ERC1: variants seen among roughly 807,000 people sequenced by gnomAD.
ERC1 encodes RAB6 interacting protein 2.
ERC1 carries 56 observed loss-of-function variants against 132.0 expected under a neutral mutation model. The ratio of observed to expected loss-of-function variants is 0.42; its 90% CI spans 0.34 to 0.53. The LOEUF is 0.53. Ranked by LOEUF, ERC1 falls within the 20% of genes least tolerant of loss-of-function variation. The pLI is 0.03. For missense variants in ERC1, 1,202 were observed against 1,349.9 expected, an observed-to-expected ratio of 0.89 and a Z score of 1.72; for synonymous variants, 478 against 476.1, an observed-to-expected ratio of 1.00 and a Z score of -0.05.
intron 2 of ERC1, among the ~76,000 whole-genome samples, chr12:1,070,724 G>C (rs1428552799): frequency 6.6e-6 from 1 of 152,090 alleles, no homozygotes; most frequent in African/African-American, 2.4e-5. Flanking sequence ...TTTCCATACA[G>C]TGAAATGCAC....
chr12:1,479,488 G>A (rs932946598), intron 18 of ERC1, among the ~76,000 whole-genome samples: 1 of 152,044 alleles, frequency 6.6e-6, no homozygotes, highest in African/African-American at 2.4e-5. Context: ...GTAATCTTTC[G>A]AGAGGGCAAT....
At chr12:1,285,456 A>G (rs966446577) in intron 14 of ERC1, among the ~76,000 whole-genome samples, 1 of 152,224 alleles carries the variant, frequency 6.6e-6, no homozygotes, top group African/African-American at 2.4e-5. Flanking sequence ...AAAAAGAAAA[A>G]TGGCACAATG....
rs1013267688 is a variant in ERC1, at chr12:1,080,554, C to T, written c.670-2610C>T. Among the ~76,000 whole-genome samples, 6 of 152,302 alleles carry T rather than the reference C, an allele frequency of 3.9e-5. No homozygotes were observed. The South Asian group carries it at 1.2e-3, about 32-fold the overall frequency. On this transcript the variant is annotated intron_variant, in intron 2 of 18. Transcript: ENST00000360905. ...GGAATTGTATCTCTCAGAATTCCCA[C>T]ATGTTGTGGGAGGGCCATAGGAGGA... is the stretch of plus-strand genomic sequence containing the variant.
chr12:1,151,784 A>AC (rs1372930882), intron 8 of ERC1: 3 of 152,258 alleles, frequency 2.0e-5, no homozygotes, highest in African/African-American at 7.2e-5. Context: ...GGTAAAGATA[A>AC]CCAAGTAGCC....
intron 14 of ERC1, among the ~76,000 whole-genome samples, chr12:1,269,417 T>C (rs899755428): frequency 1.2e-4 from 18 of 152,052 alleles, no homozygotes; most frequent in Admixed American, 1.1e-3. Context: ...GGTAATAAGG[T>C]GGAGAAGAGC....
At chr12:1,224,716 C>G (rs1292995076) in intron 12 of ERC1, among the ~76,000 whole-genome samples, 2 of 152,076 alleles carry the variant, frequency 1.3e-5, no homozygotes, top group Non-Finnish European at 2.9e-5. Context: ...CGCTGTAGCT[C>G]ACTCCTGTGA....
At chr12:1,271,893 T>C (rs2077882032) in intron 14 of ERC1, among the ~76,000 whole-genome samples, 1 of 152,238 alleles carries the variant, frequency 6.6e-6, no homozygotes, top group Non-Finnish European at 1.5e-5. Context: ...CTTTGTAATC[T>C]TACAAAGCTG....
intron 2 of ERC1, among the ~76,000 whole-genome samples, chr12:1,062,642 A>G (rs748762556): frequency 8.5e-5 from 13 of 152,188 alleles, no homozygotes; most frequent in Non-Finnish European, 1.8e-4. Context: ...GGTTTATCCT[A>G]GAGAATGTTC....
At chr12:1,081,583 TA>T (rs1565927233) in intron 2 of ERC1, among the ~76,000 whole-genome samples, 1 of 152,206 alleles carries the variant, frequency 6.6e-6, no homozygotes, top group Non-Finnish European at 1.5e-5. Flanking sequence ...GACAAGTGCT[TA>T]AACCTCTCTA....
chr12:1,155,155 A>G (rs1033197229), intron 8 of ERC1, among the ~76,000 whole-genome samples: 3 of 152,044 alleles, frequency 2.0e-5, no homozygotes, highest in East Asian at 1.9e-4. Flanking sequence ...GCGAAACCCC[A>G]TATCTACTAA....
At chr12:1,424,501 T>C (rs1206101802) in intron 17 of ERC1, among the ~76,000 whole-genome samples, 1 of 152,100 alleles carries the variant, frequency 6.6e-6, no homozygotes, top group East Asian at 1.9e-4. Flanking sequence ...TTAAAAAGAG[T>C]AGTCTCTTAT....
At chr12:1,084,788 C>A (rs1012211721) in intron 3 of ERC1, among the ~76,000 whole-genome samples, 1 of 151,900 alleles carries the variant, frequency 6.6e-6, no homozygotes, top group African/African-American at 2.4e-5. Flanking sequence ...AAATCCTGGG[C>A]TTAGGTGAGC....
At chr12:1,224,991 GAAAGA>G (rs1216762533) in intron 12 of ERC1, among the ~76,000 whole-genome samples, 1 of 151,608 alleles carries the variant, frequency 6.6e-6, no homozygotes, top group Non-Finnish European at 1.5e-5. Flanking sequence ...AAGAAAGAAA[GAAAGA>G]AAAGAAAAGA....
At chr12:1,302,448 CT>C (rs2080475190) in intron 15 of ERC1, among the ~76,000 whole-genome samples, 1 of 152,070 alleles carries the variant, frequency 6.6e-6, no homozygotes, top group African/African-American at 2.4e-5. Flanking sequence ...CTATATCCCC[CT>C]ATTCAATACT....
intron 13 of ERC1, among the ~76,000 whole-genome samples, chr12:1,252,413 C>T (rs963317271): frequency 2.6e-5 from 4 of 152,086 alleles, no homozygotes; most frequent in Non-Finnish European, 5.9e-5. Flanking sequence ...CATTACAGAT[C>T]AAAGATTTAT....
At chr12:1,226,776 A>G (rs2074610383) in intron 12 of ERC1, among the ~76,000 whole-genome samples, 1 of 152,134 alleles carries the variant, frequency 6.6e-6, no homozygotes. Context: ...TCCTGAGCTC[A>G]AGCAATTTTT....
At chr12:1,317,819 CTCTA>C (rs2081872444) in intron 15 of ERC1, among the ~76,000 whole-genome samples, 1 of 152,170 alleles carries the variant, frequency 6.6e-6, no homozygotes, top group African/African-American at 2.4e-5. Context: ...GCAAAACACT[CTCTA>C]TATACTTTCT....
intron 8 of ERC1, among the ~76,000 whole-genome samples, chr12:1,166,301 C>A (rs1593883474): frequency 6.6e-6 from 1 of 152,142 alleles, no homozygotes; most frequent in East Asian, 1.9e-4. Flanking sequence ...AAGAGAAGCT[C>A]CCCTGCACAA....
At chr12:1,168,233 A>G (rs956277064) in intron 8 of ERC1, among the ~76,000 whole-genome samples, 1 of 151,852 alleles carries the variant, frequency 6.6e-6, no homozygotes, top group African/African-American at 2.4e-5. Flanking sequence ...TGATCCTCCT[A>G]CCTCAGTGCT....
Sources: gnomAD v4.1 joint callset for allele counts (sites outside exome capture counted in the v4.1 genomes callset) on GRCh38, gnomAD v4.1.1 for gene constraint, MANE v1.5 for transcripts, NCBI Gene and HGNC (gene_info 2026-07-23, HGNC 2026-07-21) for gene names.